SAE1: variants seen among roughly 807,000 people sequenced by gnomAD.
SAE1 encodes the protein SUMO1 activating enzyme subunit 1, also known as SUMO-activating enzyme subunit 1.
In SAE1, 11 loss-of-function variants were observed where a neutral mutation model predicts 40.6. The ratio of observed to expected loss-of-function variants is 0.27; its 90% CI spans 0.17 to 0.45. The LOEUF is 0.45. Among genes scored for constraint, SAE1 ranks in the 20% least tolerant of loss-of-function variants. The pLI, the probability that SAE1 is intolerant of heterozygous loss-of-function variation, is 1.00. For missense variants in SAE1, 373 were observed against 427.3 expected, an observed-to-expected ratio of 0.87 and a Z score of 1.12; for synonymous variants, 155 against 154.3, an observed-to-expected ratio of 1.00 and a Z score of -0.03.
chr19:47,169,805 C>T lies in SAE1; in HGVS notation c.628-13C>T. 6.3e-7 allele frequency: 1 copy of T among 1,596,742 alleles called. No homozygotes were observed. Among genetic ancestry groups the T allele is most frequent in the Non-Finnish European group, 8.6e-7 (1 of 1,164,474 alleles). On this transcript the variant is annotated splice_polypyrimidine_tract_variant and intron_variant, in intron 5 of 8. Coordinates refer to ENST00000270225, the MANE Select transcript of SAE1 (RefSeq NM_005500.3). ...ATATGTTATTCCTAAGCAGTTCTGC[C>T]TTTTTTCCACAGAAGGTGGTCTTCT... is the stretch of plus-strand genomic sequence containing the variant.
intron 8 of SAE1, among the ~76,000 whole-genome samples, chr19:47,205,871 G>A (rs1177735402): frequency 6.6e-6 from 1 of 152,172 alleles, no homozygotes; most frequent in Admixed American, 6.5e-5. Context: ...GCCAGGATGT[G>A]GGCCCAGGCA....
At chr19:47,135,160 T>C (rs775913293) in intron 1 of SAE1, among the ~76,000 whole-genome samples, 2 of 152,324 alleles carry the variant, frequency 1.3e-5, no homozygotes, top group East Asian at 1.9e-4. Flanking sequence ...TAAGCACTTA[T>C]CCTTTGTGTT....
At chr19:47,137,281 G>C (rs1203962404) in intron 1 of SAE1, among the ~76,000 whole-genome samples, 1 of 152,054 alleles carries the variant, frequency 6.6e-6, no homozygotes, top group Non-Finnish European at 1.5e-5. Flanking sequence ...CCAACTACTT[G>C]GGAGGCTGAG....
chr19:47,166,974 C>T (rs559322422), intron 5 of SAE1, among the ~76,000 whole-genome samples: 7 of 151,288 alleles, frequency 4.6e-5, no homozygotes, highest in South Asian at 2.1e-4. Flanking sequence ...TTTTTTGAGA[C>T]GGCGTCTCAC....
chr19:47,154,251 C>T (rs1469204237), intron 4 of SAE1, among the ~76,000 whole-genome samples: 12 of 151,570 alleles, frequency 7.9e-5, no homozygotes, highest in Non-Finnish European at 1.5e-4. Flanking sequence ...CCACCATGCC[C>T]GGCAAATTTT....
intron 6 of SAE1, among the ~76,000 whole-genome samples, chr19:47,193,576 C>T (rs1409312897): frequency 1.3e-5 from 2 of 150,704 alleles, no homozygotes; most frequent in African/African-American, 4.9e-5. Context: ...AATTCCAGCA[C>T]TTTGGGGGGC....
intron 6 of SAE1, among the ~76,000 whole-genome samples, chr19:47,172,860 A>G (rs2058443275): frequency 6.6e-6 from 1 of 152,002 alleles, no homozygotes; most frequent in South Asian, 2.1e-4. Flanking sequence ...TTCCATGTAT[A>G]TCACCTTCAT....
intron 1 of SAE1, among the ~76,000 whole-genome samples, chr19:47,136,121 A>G (rs1244662928): frequency 1.3e-5 from 2 of 152,062 alleles, no homozygotes; most frequent in Admixed American, 6.6e-5. Context: ...AGAGTGCTGC[A>G]ATAAACATGG....
chr19:47,202,886 G>A (rs2058663414), intron 7 of SAE1, among the ~76,000 whole-genome samples: 1 of 152,120 alleles, frequency 6.6e-6, no homozygotes, highest in South Asian at 2.1e-4. Context: ...CTCCAGCCTG[G>A]GTGACAGAGC....
At chr19:47,207,973 C>G (rs1387517736) in intron 8 of SAE1, among the ~76,000 whole-genome samples, 1 of 152,100 alleles carries the variant, frequency 6.6e-6, no homozygotes, top group African/African-American at 2.4e-5. Context: ...CTGGTAACCC[C>G]ACAAGATAAT....
intron 6 of SAE1, among the ~76,000 whole-genome samples, chr19:47,186,978 C>G (rs569736382): frequency 3.3e-5 from 5 of 152,134 alleles, no homozygotes; most frequent in Non-Finnish European, 1.5e-5. Context: ...CTGTCTGGGT[C>G]GCTTCTGGGT....
intron 1 of SAE1, among the ~76,000 whole-genome samples, chr19:47,139,384 C>T (rs1251296272): frequency 6.6e-6 from 1 of 151,844 alleles, no homozygotes; most frequent in African/African-American, 2.4e-5. Flanking sequence ...TGGAGTCTTA[C>T]TTTGTTGCCC....
rs768441980 is a variant in SAE1 at position 47,150,198 on chromosome 19, C to T, written c.211-4C>T. On this transcript the variant is annotated splice_region_variant and splice_polypyrimidine_tract_variant and intron_variant, in intron 2 of 8. Transcript: ENST00000270225. ...ACTTAAAAAAATATGTGTATTATTC[C>T]TAGGTAACTCCAGAAGATCCCGGAG... 2.6e-6 allele frequency: 4 copies of T among 1,564,690 alleles called. No individual in the cohort carries two copies. Among genetic ancestry groups the T allele is most frequent in the Non-Finnish European group, 2.6e-6 (3 of 1,158,342 alleles).
At chr19:47,146,560 C>T (rs899561822) in intron 2 of SAE1, among the ~76,000 whole-genome samples, 2 of 152,160 alleles carry the variant, frequency 1.3e-5, no homozygotes, top group African/African-American at 4.8e-5. Flanking sequence ...AGGGGCTAGG[C>T]ACTGTTCTCA....
intron 5 of SAE1, among the ~76,000 whole-genome samples, chr19:47,159,055 T>G (rs2123226709): frequency 6.6e-6 from 1 of 152,284 alleles, no homozygotes; most frequent in East Asian, 1.9e-4. Context: ...GATGATGAGA[T>G]GCCTGACAGT....
At chr19:47,203,449 T>C (rs1330866634) in intron 7 of SAE1, among the ~76,000 whole-genome samples, 1 of 152,222 alleles carries the variant, frequency 6.6e-6, no homozygotes, top group Non-Finnish European at 1.5e-5. Context: ...TGTGAAAGAA[T>C]TTCTGCTTGC....
Position 47,203,693 on chromosome 19 carries a change from C to A in SAE1, c.901C>A (p.Pro301Thr), listed in dbSNP as rs755811018. 3.7e-6 allele frequency: 6 copies of A among 1,613,870 alleles called. No individual in the cohort carries two copies. The East Asian group carries it at 1.3e-4, about 36-fold the overall frequency. ...FVRYCFSEMA[P>T]VCAVVGGILA... Reference sequence around the variant, plus strand: ...TAGGTACTGCTTCTCCGAGATGGCCCCAGTGTGTGCGGTGGTTGGAGGGAT... The same window carrying A: ...TAGGTACTGCTTCTCCGAGATGGCCACAGTGTGTGCGGTGGTTGGAGGGAT... Residue 301 changes from proline (P) to threonine (T), a missense_variant, in exon 8 of 9, where the codon CCA (proline) becomes ACA (threonine). Transcript: ENST00000270225.
At chr19:47,163,124 T>C (rs2058369173) in intron 5 of SAE1, among the ~76,000 whole-genome samples, 1 of 152,028 alleles carries the variant, frequency 6.6e-6, no homozygotes, top group Admixed American at 6.6e-5. Context: ...TCTATGTATA[T>C]ACAACAAAAT....
At chr19:47,156,450 G>T (rs1177743930) in intron 5 of SAE1, among the ~76,000 whole-genome samples, 3 of 151,620 alleles carry the variant, frequency 2.0e-5, no homozygotes, top group African/African-American at 7.3e-5. Context: ...CTGCACTCCA[G>T]CCTGGCGACA....
Sources: allele counts gnomAD v4.1 joint callset (sites outside exome capture counted in the v4.1 genomes callset), GRCh38; gene constraint gnomAD v4.1.1; transcripts MANE v1.5; gene names NCBI Gene and HGNC (gene_info 2026-07-23, HGNC 2026-07-21).